ABCA8: variants seen among roughly 807,000 people sequenced by gnomAD.
The protein encoded by ABCA8 is ATP binding cassette subfamily A member 8, also known as ABC-type organic anion transporter ABCA8.
A neutral mutation model predicts 192.3 loss-of-function variants in ABCA8; 177 were observed. That is an observed-to-expected ratio of 0.92 (90% CI 0.81 to 1.04). ABCA8 has a LOEUF of 1.04. Among genes scored for constraint, ABCA8 ranks in the 50% least tolerant of loss-of-function variants. The pLI, the probability that ABCA8 is intolerant of heterozygous loss-of-function variation, is 0.00. For synonymous variants in ABCA8, 642 were observed against 690.2 expected (o/e 0.93, Z 1.09); for missense variants, 1,915 against 1,904.8 (o/e 1.01, Z -0.10).
intron 2 of ABCA8, among the ~76,000 whole-genome samples, chr17:68,945,828 T>C (rs1281766582): frequency 6.6e-6 from 1 of 152,046 alleles, no homozygotes; most frequent in Non-Finnish European, 1.5e-5. Context: ...TGTGCGCATA[T>C]GTATATATAT....
At chr17:68,882,528 A>G in intron 30 of ABCA8, 71 bp downstream of exon 30, 1 of 1,408,946 alleles carries the variant, frequency 7.1e-7, no homozygotes, top group Non-Finnish European at 9.5e-7. Context: ...TAAGGAACAG[A>G]GAAACTCAAA....
intron 14 of ABCA8, 51 bp from the exon 15 acceptor site, chr17:68,918,597 A>T (rs1406331049): frequency 1.4e-6 from 2 of 1,427,816 alleles, no homozygotes; most frequent in East Asian, 2.5e-5. Context: ...TTCCTTTTTT[A>T]AAAATTTATA....
At chr17:68,929,777 T>C in intron 7 of ABCA8, 75 bp from the exon 8 acceptor site, 8 of 1,314,072 alleles carry the variant, frequency 6.1e-6, no homozygotes, top group African/African-American at 1.5e-5. Flanking sequence ...GATTCTAAGA[T>C]AACTCTTCAT....
At chr17:68,872,180 C>A (rs370114304) in intron 37 of ABCA8, among the ~76,000 whole-genome samples, 1 of 151,610 alleles carries the variant, frequency 6.6e-6, no homozygotes, top group Non-Finnish European at 1.5e-5. Flanking sequence ...TGGAACCAAC[C>A]CAAATGTCCA....
chr17:68,881,778 G>C, intron 31 of ABCA8, 85 bp downstream of exon 31: 2 of 881,736 alleles, frequency 2.3e-6, no homozygotes. Flanking sequence ...TGAACCAAGA[G>C]GTGGTTTCCA....
chr17:68,909,210 A>G (rs1284255140), intron 17 of ABCA8, among the ~76,000 whole-genome samples: 3 of 152,192 alleles, frequency 2.0e-5, no homozygotes, highest in African/African-American at 7.2e-5. Context: ...GAAGCTTGAA[A>G]GGGGAGGTTG....
At chr17:68,914,971 T>C (rs945829687) in intron 17 of ABCA8, among the ~76,000 whole-genome samples, 4 of 151,976 alleles carry the variant, frequency 2.6e-5, no homozygotes, top group African/African-American at 9.7e-5. Context: ...GAATAGAGAA[T>C]GCAGAAATAA....
chr17:68,913,687 G>T (rs1350010096), intron 17 of ABCA8, among the ~76,000 whole-genome samples: 1 of 152,056 alleles, frequency 6.6e-6, no homozygotes, highest in African/African-American at 2.4e-5. Flanking sequence ...GAACCGTGAA[G>T]AAATCCAAAA....
chr17:68,886,758 G>T (rs182299277), intron 26 of ABCA8: 124 of 197,166 alleles, frequency 6.3e-4, no homozygotes, highest in African/African-American at 1.9e-3. Flanking sequence ...TGAAATCATA[G>T]GAAATTAGAA....
intron 21 of ABCA8, 99 bp from the exon 22 acceptor site, chr17:68,895,112 A>G: frequency 1.0e-6 from 1 of 962,446 alleles, no homozygotes; most frequent in Non-Finnish European, 1.5e-6. Context: ...TGAAGCAGTA[A>G]TATGGACTGT....
chr17:68,942,221 G>C (rs1392702366), intron 2 of ABCA8, among the ~76,000 whole-genome samples, 182 bp from the exon 3 acceptor site: 1 of 152,112 alleles, frequency 6.6e-6, no homozygotes, highest in Non-Finnish European at 1.5e-5. Flanking sequence ...CCCACTTGCA[G>C]ACTCTGTTCC....
At position 68,950,148 on chromosome 17, in the gene ABCA8, A is replaced by G. The variant is rs1190516399; in HGVS notation, c.-166-676T>C. On this transcript the variant is annotated intron_variant, in intron 1 of 39. Transcript: ENST00000586539. Reference sequence around the variant, plus strand: ...ATCACAAGCATTCCTATACACCAACAATAGACAAGCAAAAAGCCGTCCACT... The same window carrying G: ...ATCACAAGCATTCCTATACACCAACGATAGACAAGCAAAAAGCCGTCCACT... Among the ~76,000 whole-genome samples, 147 of 152,144 alleles carry G rather than the reference A, an allele frequency of 9.7e-4. 1 individual carries two copies. The highest frequency in any genetic ancestry group is 5.9e-5 in the Non-Finnish European group (4 of 68,014).
Position 68,881,196 on chromosome 17 carries a change from A to G in ABCA8, c.3962T>C (p.Leu1321Ser). The change falls in exon 32 of 40, where the codon TTA becomes TCA. Residue 1321 changes from leucine to serine, a missense_variant. By Grantham distance (145) the Leu-to-Ser change is moderately radical. Transcript: ENST00000586539. Reference sequence around the variant, plus strand: ...TTTACCAGCTCCATTGTGTCCTAATAATCCTAAAACTTCACCTGAAAAAAA... The same window carrying G: ...TTTACCAGCTCCATTGTGTCCTAATGATCCTAAAACTTCACCTGAAAAAAA... The part of the protein sequence containing the change: ...FCVRKGEVLG[L>S]LGHNGAGKST... 2.5e-6 allele frequency: 4 copies of G among 1,613,432 alleles called. No homozygotes were observed. The highest frequency in any genetic ancestry group is 3.4e-6 in the Non-Finnish European group (4 of 1,179,412).
chr17:68,906,050 C>A lies in ABCA8; in HGVS notation c.2392G>T (p.Glu798Ter). 1.9e-6 allele frequency: 3 copies of A among 1,585,350 alleles called. No individual in the cohort carries two copies. In the South Asian group the frequency reaches 3.5e-5, roughly 18 times the overall value. ...LKLEGKSTIN[E>*]SDIAILGEVQ... ...TTTCATGCATTTTATTTACCCGATT[C>A]ATTAATTGTAGATTTTCCTTCTAGC... The change falls in exon 19 of 40, where the codon GAA (glutamate) becomes TAA (stop). Residue 798 changes from glutamate (E) to a stop codon, truncating the protein, a stop_gained. Coordinates refer to ENST00000586539, the MANE Select transcript of ABCA8 (RefSeq NM_001288985.2). LOFTEE classifies it high-confidence loss of function.
At chr17:68,944,416 G>C (rs1033692792) in intron 2 of ABCA8, 8 of 138,070 alleles carry the variant, frequency 5.8e-5, no homozygotes, top group Admixed American at 5.4e-4. Context: ...TAGCTCACAG[G>C]CCACAAAATC....
At chr17:68,953,825 G>A (rs1285175252) in intron 1 of ABCA8, among the ~76,000 whole-genome samples, 1 of 152,076 alleles carries the variant, frequency 6.6e-6, no homozygotes, top group Non-Finnish European at 1.5e-5. Flanking sequence ...CTCCTACCGG[G>A]GGTAGAGGGT....
At chr17:68,882,778 T>A in intron 29 of ABCA8, 59 bp from the exon 30 acceptor site, 1 of 1,556,452 alleles carries the variant, frequency 6.4e-7, no homozygotes, top group Non-Finnish European at 8.7e-7. Context: ...TATCAAAAGT[T>A]GCATTATTTA....
Position 68,884,337 on chromosome 17 carries a change from G to T in ABCA8, c.3609C>A (p.Phe1203Leu). The T allele has an allele frequency of 6.3e-7, 1 of 1,580,998 alleles. No individual in the cohort carries two copies. Among genetic ancestry groups the T allele is most frequent in the Non-Finnish European group, 8.6e-7 (1 of 1,169,396 alleles). Residue 1203 changes from phenylalanine to leucine, a missense_variant, in exon 28 of 40, where the codon TTC (phenylalanine) becomes TTA (leucine). By Grantham distance (22) the Phe-to-Leu change is conservative (BLOSUM62 0). Coordinates refer to ENST00000586539, the MANE Select transcript of ABCA8 (RefSeq NM_001288985.2). ...ERMDVQPFLV[F>L]LIPFLHFIIF... Reference sequence around the variant, plus strand: ...AAGAACAGTGTGTTCTTACAATTAGGAATACCAGAAATGGCTGTACATCCA... The same window carrying T: ...AAGAACAGTGTGTTCTTACAATTAGTAATACCAGAAATGGCTGTACATCCA...
At chr17:68,876,771 A>G (rs2066219087) in intron 33 of ABCA8, 68 bp from the exon 34 acceptor site, 2 of 1,591,262 alleles carry the variant, frequency 1.3e-6, no homozygotes, top group Non-Finnish European at 1.7e-6. Context: ...TAACCCAAGC[A>G]AGGGTGGAGA....
Sources: gnomAD v4.1 joint callset for allele counts (sites outside exome capture counted in the v4.1 genomes callset) on GRCh38, gnomAD v4.1.1 for gene constraint, MANE v1.5 for transcripts, NCBI Gene and HGNC (gene_info 2026-07-23, HGNC 2026-07-21) for gene names.